SCN3A: variants seen among roughly 807,000 people sequenced by gnomAD.
SCN3A encodes sodium channel protein type 3 subunit alpha.
Under a neutral mutation model 187.6 loss-of-function variants are expected in SCN3A, and 60 were observed. The observed-to-expected ratio is 0.32, with a 90% confidence interval of 0.26 to 0.40. The LOEUF (loss-of-function observed/expected upper bound fraction) is 0.40, where lower values mean the gene tolerates loss of function less well. Among genes scored for constraint, SCN3A ranks in the 10% least tolerant of loss-of-function variants. The pLI, the probability that SCN3A is intolerant of heterozygous loss-of-function variation, is 1.00. For missense variants in SCN3A, 1,601 were observed against 2,428.2 expected (o/e 0.66, Z 7.16); for synonymous variants, 788 against 829.2 (o/e 0.95, Z 0.85).
At chr2:165,183,808 GGC>G (rs1691045287) in intron 2 of SCN3A, among the ~76,000 whole-genome samples, 1 of 152,116 alleles carries the variant, frequency 6.6e-6, no homozygotes, top group East Asian at 1.9e-4. Flanking sequence ...TGTGTCAGAA[GGC>G]TGTAAATTTT....
intron 2 of SCN3A, among the ~76,000 whole-genome samples, chr2:165,179,910 T>C (rs1690728661): frequency 6.6e-6 from 1 of 152,116 alleles, no homozygotes; most frequent in Non-Finnish European, 1.5e-5. Context: ...TAGAGCAGAC[T>C]TTAAAAATTA....
At chr2:165,106,522 G>C (rs377694520) in intron 21 of SCN3A, among the ~76,000 whole-genome samples, 2 of 152,056 alleles carry the variant, frequency 1.3e-5, no homozygotes, top group Non-Finnish European at 2.9e-5. Context: ...GATATGAATT[G>C]TTTTTGACAT....
intron 15 of SCN3A, among the ~76,000 whole-genome samples, chr2:165,133,418 G>C (rs1214841447): frequency 2.6e-5 from 4 of 151,826 alleles, no homozygotes; most frequent in Admixed American, 2.6e-4. Context: ...AGAGTGGCGC[G>C]ATCTTGGCTC....
chr2:165,114,893 AAAC>A (rs1422560433), intron 19 of SCN3A, among the ~76,000 whole-genome samples: 1 of 152,218 alleles, frequency 6.6e-6, no homozygotes, highest in African/African-American at 2.4e-5. Flanking sequence ...GAGAATGAGA[AAAC>A]AAAAAGACCT....
intron 15 of SCN3A, among the ~76,000 whole-genome samples, chr2:165,137,650 T>G (rs939918259): frequency 4.6e-5 from 7 of 152,126 alleles, no homozygotes; most frequent in Non-Finnish European, 1.0e-4. Context: ...TTACAACTGG[T>G]AAGACACCAT....
chr2:165,166,758 T>C (rs1424463124), intron 5 of SCN3A, among the ~76,000 whole-genome samples: 1 of 152,176 alleles, frequency 6.6e-6, no homozygotes, highest in Non-Finnish European at 1.5e-5. Flanking sequence ...CTGAAGACAA[T>C]TGATCAGAAA....
At position 165,138,014 on chromosome 2, in the gene SCN3A, A is replaced by C; in HGVS notation, c.2256T>G (p.Leu752=). Residue 752 remains leucine, a synonymous_variant, in exon 15 of 28, where the codon CTT becomes CTG. Transcript: ENST00000283254. The part of the protein sequence containing the change: ...CCDAWLKVKH[L]VNLIVMDPFV... ...ATGGATCCATAACAATTAAATTCAC[A>C]AGATGTTTTACTTTTAACCATGCAT... 3 of 1,613,592 alleles carry C rather than the reference A, an allele frequency of 1.9e-6. No individual in the cohort carries two copies. Among genetic ancestry groups the C allele is most frequent in the Non-Finnish European group, 2.5e-6 (3 of 1,179,614 alleles).
intron 14 of SCN3A, among the ~76,000 whole-genome samples, chr2:165,138,669 T>C (rs1345408927): frequency 6.6e-6 from 1 of 152,188 alleles, no homozygotes; most frequent in African/African-American, 2.4e-5. Context: ...TCTTTTAGAA[T>C]TTTAGCATCA....
chr2:165,097,864 G>A (rs1685432235), intron 22 of SCN3A, among the ~76,000 whole-genome samples: 1 of 152,168 alleles, frequency 6.6e-6, no homozygotes, highest in African/African-American at 2.4e-5. Context: ...TCATCTTTCA[G>A]TAATACATTT....
At chr2:165,102,696 T>G (rs1685665382) in intron 21 of SCN3A, among the ~76,000 whole-genome samples, 1 of 152,164 alleles carries the variant, frequency 6.6e-6, no homozygotes, top group South Asian at 2.1e-4. Context: ...TTAATGGACC[T>G]CATGGCCCAG....
chr2:165,130,183 G>T lies in SCN3A; in HGVS notation c.2679C>A (p.Val893=). 1.2e-6 allele frequency: 2 copies of T among 1,614,136 alleles called. No individual in the cohort carries two copies. Among genetic ancestry groups the T allele is most frequent in the Non-Finnish European group, 1.7e-6 (2 of 1,180,024 alleles). ...GNLTLVLAII[V]FIFAVVGMQL... Reference sequence around the variant, plus strand: ...GCATGCCGACCACAGCAAAAATGAAGACGATGATGGCCAACACCAAGGTGA... The same window carrying T: ...GCATGCCGACCACAGCAAAAATGAATACGATGATGGCCAACACCAAGGTGA... The change falls in exon 17 of 28, where the codon GTC becomes GTA. Residue 893 remains valine (V), a synonymous_variant. Coordinates refer to ENST00000283254, the MANE Select transcript of SCN3A (RefSeq NM_006922.4).
intron 1 of SCN3A, among the ~76,000 whole-genome samples, chr2:165,199,768 C>T (rs576327061): frequency 7.2e-5 from 11 of 152,032 alleles, no homozygotes; most frequent in Admixed American, 7.2e-4. Flanking sequence ...TATGTCTGTG[C>T]TTAGTAAAAG....
intron 8 of SCN3A, 63 bp downstream of exon 8, chr2:165,162,493 A>G (rs1471603227): frequency 6.2e-7 from 1 of 1,608,324 alleles, no homozygotes; most frequent in Non-Finnish European, 8.5e-7. Context: ...CCACAGTCTC[A>G]ACTATTTATA....
chr2:165,118,912 G>A (rs1313986520), intron 18 of SCN3A, among the ~76,000 whole-genome samples: 2 of 152,080 alleles, frequency 1.3e-5, no homozygotes, highest in African/African-American at 2.4e-5. Flanking sequence ...ACAGGCGCCC[G>A]CCACCATGAT....
chr2:165,176,440 A>G lies in SCN3A; in HGVS notation c.-46T>C. 1 of 1,612,370 alleles carries G rather than the reference A, an allele frequency of 6.2e-7. No homozygotes were observed. Among genetic ancestry groups the G allele is most frequent in the Non-Finnish European group, 8.5e-7 (1 of 1,179,142 alleles). ...ATTACGTGTAGCTTCTTGCATACGA[A>G]TTACCTGCAATAAAAGAAAAATTGC... On this transcript the variant is annotated 5_prime_UTR_variant, in exon 3 of 28. Transcript: ENST00000283254.
chr2:165,138,147 A>G (rs55695832), intron 14 of SCN3A, 30 bp from the exon 15 acceptor site: 18,363 of 1,488,132 alleles, frequency 0.012, 160 homozygotes, highest in Non-Finnish European at 0.014. Flanking sequence ...GAAGAGTAGT[A>G]AATAACAACA....
chr2:165,142,830 A>G (rs1367406618), intron 12 of SCN3A, among the ~76,000 whole-genome samples: 1 of 151,860 alleles, frequency 6.6e-6, no homozygotes, highest in Non-Finnish European at 1.5e-5. Context: ...GGCTCACTGC[A>G]ATCTCCACCT....
Position 165,140,295 on chromosome 2 carries a change from A to G in SCN3A, c.2019+356T>C, listed in dbSNP as rs190723253. ...TTTTCCAGAATATGAATAGATAATT[A>G]TACAATTCTTGGTGAATATACATCT... On this transcript the variant is annotated intron_variant, in intron 13 of 27. Coordinates refer to ENST00000283254, the MANE Select transcript of SCN3A (RefSeq NM_006922.4). This position sits in a 1 kb window ranked among gnomAD's most constrained non-coding sequence, Gnocchi z 4.2. Among the ~76,000 whole-genome samples the G allele has an allele frequency of 5.3e-4, 81 of 152,292 alleles. No individual in the cohort carries two copies. The East Asian group carries it at 0.013, about 24-fold the overall frequency.
At chr2:165,199,663 G>T (rs1559288680) in intron 1 of SCN3A, among the ~76,000 whole-genome samples, 2 of 151,512 alleles carry the variant, frequency 1.3e-5, no homozygotes, top group African/African-American at 2.4e-5. Flanking sequence ...AAATTTTAAA[G>T]AATTATTCTA....
Sources: gnomAD v4.1 joint callset for allele counts (sites outside exome capture counted in the v4.1 genomes callset) on GRCh38, gnomAD v4.1.1 for gene constraint, Gnocchi (gnomAD v3.1) non-coding constraint, MANE v1.5 for transcripts, NCBI Gene and HGNC (gene_info 2026-07-23, HGNC 2026-07-21) for gene names.